The following BABAM2 variants were observed in gnomAD, a reference collection of about 807,000 sequenced individuals.
BABAM2 encodes BRISC and BRCA1 A complex member 2.
Under a neutral mutation model 54.7 loss-of-function variants are expected in BABAM2, and 31 were observed. That is an observed-to-expected ratio of 0.57 (90% CI 0.43 to 0.77). The LOEUF (loss-of-function observed/expected upper bound fraction) is 0.77, where lower values mean the gene tolerates loss of function less well. BABAM2 is among the 30% of genes least tolerant of loss of function. The pLI, the probability that BABAM2 is intolerant of heterozygous loss-of-function variation, is 0.00. For missense variants in BABAM2, 364 were observed against 455.8 expected (o/e 0.80, Z 1.83); for synonymous variants, 167 against 162.9 (o/e 1.03, Z -0.19).
chr2:28,114,309 C>T (rs866059580), intron 6 of BABAM2, among the ~76,000 whole-genome samples: 15 of 152,168 alleles, frequency 9.9e-5, no homozygotes, highest in African/African-American at 3.6e-4. Context: ...AGCTGATAAG[C>T]GACTCTAGCA....
intron 7 of BABAM2, among the ~76,000 whole-genome samples, chr2:28,214,653 G>T (rs1679772512): frequency 6.6e-6 from 1 of 151,996 alleles, no homozygotes; most frequent in Non-Finnish European, 1.5e-5. Context: ...GACAATTCTT[G>T]CCTTGTTCCC....
At chr2:27,937,945 C>T (rs1313981589) in intron 3 of BABAM2, among the ~76,000 whole-genome samples, 10 of 152,166 alleles carry the variant, frequency 6.6e-5, no homozygotes, top group South Asian at 2.1e-4. Flanking sequence ...TCCGATCTTA[C>T]GTTTAACTCT....
chr2:28,135,475 C>T (rs1404570116), intron 7 of BABAM2, among the ~76,000 whole-genome samples: 1 of 152,048 alleles, frequency 6.6e-6, no homozygotes, highest in African/African-American at 2.4e-5. Context: ...TCCCTAGACA[C>T]TTTTGTGGCA....
chr2:28,097,953 C>T lies in BABAM2; in HGVS notation c.571-31318C>T, dbSNP rs925100362. On this transcript the variant is annotated intron_variant, in intron 6 of 11. Transcript: ENST00000379624. ...CTATTTTGGGTTTTTTCTATTCCAA[C>T]TAATACCATATCTTCTTTTAAAATA... Among the ~76,000 whole-genome samples, 73 of 152,318 alleles carry T rather than the reference C, an allele frequency of 4.8e-4. 2 individuals carry two copies. Among genetic ancestry groups the T allele is most frequent in the African/African-American group, 1.7e-3 (71 of 41,584 alleles).
At chr2:28,265,775 C>G (rs1404614772) in intron 10 of BABAM2, among the ~76,000 whole-genome samples, 2 of 152,182 alleles carry the variant, frequency 1.3e-5, no homozygotes, top group Non-Finnish European at 2.9e-5. Context: ...TAGGGACTCT[C>G]TCTAAGAATG....
chr2:28,290,562 GT>G lies in BABAM2; in HGVS notation c.935-7775del, dbSNP rs138020895. Among the ~76,000 whole-genome samples, 599 of 152,302 alleles carry G rather than the reference GT, an allele frequency of 3.9e-3. 5 individuals carry two copies. The highest frequency in any genetic ancestry group is 0.013 in the African/African-American group (555 of 41,564). ...TGTGCTTTATATGAGCCTTTACTGA[GT>G]GTTTCTCATGTGTCATGCGCTGTAC... On this transcript the variant is annotated intron_variant, in intron 10 of 11. Transcript: ENST00000379624.
chr2:28,335,154 C>CTTTTTTTTT lies in BABAM2; in HGVS notation c.1089-3277_1089-3269dup, dbSNP rs56135926. 5.0e-3 allele frequency among the ~76,000 whole-genome samples: 360 copies of CTTTTTTTTT among 71,506 alleles called. 39 individuals are homozygous for CTTTTTTTTT. Among genetic ancestry groups the CTTTTTTTTT allele is most frequent in the African/African-American group, 0.014 (226 of 16,458 alleles). 46.9% of individuals were successfully genotyped at this position (71,506 alleles called of 152,430 possible). ...CTGGAGCTGCTGTCTCTCCCACCTT[C>CTTTTTTTTT]TTTTTTTTTTTTTTTTTTTTTTTTT... On this transcript the variant is annotated intron_variant, in intron 11 of 11. Transcript: ENST00000379624.
At chr2:28,002,332 G>C (rs1048023817) in intron 4 of BABAM2, among the ~76,000 whole-genome samples, 5 of 152,074 alleles carry the variant, frequency 3.3e-5, no homozygotes, top group Non-Finnish European at 5.9e-5. Flanking sequence ...ATAGGTCATT[G>C]TATCTGTGAA....
intron 10 of BABAM2, among the ~76,000 whole-genome samples, chr2:28,267,905 C>G (rs1685118525): frequency 6.6e-6 from 1 of 152,140 alleles, no homozygotes; most frequent in Non-Finnish European, 1.5e-5. Context: ...GTAGTTGAAA[C>G]TAGAAGAAAC....
chr2:28,233,535 G>A (rs1188506249), intron 7 of BABAM2, among the ~76,000 whole-genome samples: 4 of 152,160 alleles, frequency 2.6e-5, no homozygotes, highest in Non-Finnish European at 5.9e-5. Flanking sequence ...GCTATAGCAA[G>A]CTTGTTAAAT....
At chr2:28,151,555 A>G (rs1474086519) in intron 7 of BABAM2, among the ~76,000 whole-genome samples, 2 of 152,172 alleles carry the variant, frequency 1.3e-5, no homozygotes, top group African/African-American at 4.8e-5. Flanking sequence ...AGCCTTGGCG[A>G]CAAGAGCAAA....
chr2:27,993,347 G>C (rs1672908320), intron 4 of BABAM2, among the ~76,000 whole-genome samples: 1 of 152,062 alleles, frequency 6.6e-6, no homozygotes, highest in Admixed American at 6.6e-5. Context: ...TCCCTTAAGG[G>C]ACTTGCAGCT....
At chr2:28,053,182 A>T (rs1678129495) in intron 6 of BABAM2, among the ~76,000 whole-genome samples, 1 of 152,156 alleles carries the variant, frequency 6.6e-6, no homozygotes, top group Non-Finnish European at 1.5e-5. Flanking sequence ...GGCTGACCTT[A>T]CAAGTTTTTC....
intron 3 of BABAM2, among the ~76,000 whole-genome samples, chr2:27,944,777 A>G (rs529409418): frequency 6.6e-6 from 1 of 152,228 alleles, no homozygotes; most frequent in African/African-American, 2.4e-5. Context: ...AGCTGAGTGT[A>G]TGCTTAACTT....
chr2:28,061,338 C>A (rs1225410446), intron 6 of BABAM2, among the ~76,000 whole-genome samples: 1 of 151,682 alleles, frequency 6.6e-6, no homozygotes, highest in African/African-American at 2.4e-5. Flanking sequence ...GTAATCCCAG[C>A]ACTTTGAGAG....
chr2:28,092,846 A>G (rs1231228653), intron 6 of BABAM2, among the ~76,000 whole-genome samples: 1 of 151,654 alleles, frequency 6.6e-6, no homozygotes, highest in East Asian at 1.9e-4. Context: ...GAGCTCTTAC[A>G]GGGTCAAGAT....
At chr2:28,022,147 G>C (rs1675317687) in intron 4 of BABAM2, among the ~76,000 whole-genome samples, 1 of 152,218 alleles carries the variant, frequency 6.6e-6, no homozygotes, top group African/African-American at 2.4e-5. Context: ...ATTTACGAGA[G>C]AGAAATGTGG....
intron 2 of BABAM2, among the ~76,000 whole-genome samples, chr2:27,913,542 A>G (rs1666755170): frequency 6.6e-6 from 1 of 152,210 alleles, no homozygotes; most frequent in South Asian, 2.1e-4. Flanking sequence ...ATTTTCAGTT[A>G]GTTGGATCAG....
chr2:28,146,723 T>A (rs1422492478), intron 7 of BABAM2, among the ~76,000 whole-genome samples: 2 of 152,178 alleles, frequency 1.3e-5, no homozygotes, highest in Non-Finnish European at 2.9e-5. Flanking sequence ...TGGTCAGAAC[T>A]GGAGGCCTAG....
Sources: gnomAD v4.1 joint callset for allele counts (sites outside exome capture counted in the v4.1 genomes callset) on GRCh38, gnomAD v4.1.1 for gene constraint, MANE v1.5 for transcripts, NCBI Gene and HGNC (gene_info 2026-07-23, HGNC 2026-07-21) for gene names.